SGCD: variants seen among roughly 807,000 people sequenced by gnomAD.
The protein encoded by SGCD is delta-sarcoglycan.
A neutral mutation model predicts 36.6 loss-of-function variants in SGCD; 18 were observed. That is an observed-to-expected ratio of 0.49 (90% CI 0.34 to 0.73). SGCD has a LOEUF of 0.73. Ranked by LOEUF, SGCD falls within the 30% of genes least tolerant of loss-of-function variation. The pLI is 0.01. For synonymous variants in SGCD, 133 were observed against 130.6 expected (o/e 1.02, Z -0.12); for missense variants, 387 against 346.7 (o/e 1.12, Z -0.92).
chr5:155,960,013 T>C (rs1000868422), intron 1 of SGCD, among the ~76,000 whole-genome samples: 2 of 152,116 alleles, frequency 1.3e-5, no homozygotes, highest in Non-Finnish European at 2.9e-5. Context: ...TGTTTTTTAG[T>C]AGGACACAGA....
chr5:156,726,894 C>A (rs535809297), intron 7 of SGCD, among the ~76,000 whole-genome samples: 2 of 152,320 alleles, frequency 1.3e-5, no homozygotes, highest in African/African-American at 2.4e-5. Flanking sequence ...AGTTACTTAA[C>A]CTCTCTGTGC....
At chr5:156,423,545 C>G (rs4521456) in intron 3 of SGCD, among the ~76,000 whole-genome samples, 7,130 of 147,350 alleles carry the variant, frequency 0.048, 366 homozygotes, top group African/African-American at 0.12. Context: ...TGAAGGTTCA[C>G]TTAATATCTA....
At chr5:156,594,825 G>A in intron 5 of SGCD, 107 bp from the exon 6 acceptor site, 2 of 712,026 alleles carry the variant, frequency 2.8e-6, no homozygotes, top group Non-Finnish European at 4.8e-6. Flanking sequence ...TTAGATATGT[G>A]TGTTCTATGA....
At chr5:156,573,108 A>C (rs901153454) in intron 4 of SGCD, among the ~76,000 whole-genome samples, 49 of 152,168 alleles carry the variant, frequency 3.2e-4, no homozygotes, top group African/African-American at 8.9e-4. Flanking sequence ...TTTATTCATG[A>C]CTTTTTATGA....
chr5:155,901,430 G>A (rs1413431472), intron 1 of SGCD, among the ~76,000 whole-genome samples: 2 of 152,120 alleles, frequency 1.3e-5, no homozygotes, highest in African/African-American at 2.4e-5. Context: ...TGATGAATCA[G>A]GAACTCTGAG....
chr5:156,121,718 C>T (rs1762045741), intron 2 of SGCD, among the ~76,000 whole-genome samples: 1 of 152,184 alleles, frequency 6.6e-6, no homozygotes, highest in African/African-American at 2.4e-5. Flanking sequence ...CCTTTGATGA[C>T]TGCCCAATAC....
intron 3 of SGCD, among the ~76,000 whole-genome samples, chr5:156,153,936 T>G (rs1305857195): frequency 6.6e-6 from 1 of 151,674 alleles, no homozygotes; most frequent in African/African-American, 2.4e-5. Flanking sequence ...AAACAATTGG[T>G]AAGCATTGGA....
chr5:156,271,458 G>A (rs2127669906), intron 3 of SGCD, among the ~76,000 whole-genome samples: 1 of 152,254 alleles, frequency 6.6e-6, no homozygotes, highest in East Asian at 1.9e-4. Context: ...CCAGGGCAGG[G>A]GAGGGAAACC....
At chr5:156,373,463 C>T (rs916612723) in intron 3 of SGCD, among the ~76,000 whole-genome samples, 2 of 152,118 alleles carry the variant, frequency 1.3e-5, no homozygotes, top group African/African-American at 4.8e-5. Context: ...TTGGAAAAAT[C>T]GCTACATTTA....
At chr5:155,803,016 A>G in the SGCD span, among the ~76,000 whole-genome samples, 1 of 152,218 alleles carries the variant, frequency 6.6e-6, no homozygotes, top group Non-Finnish European at 1.5e-5. Flanking sequence ...ATGACAAAAT[A>G]TATGTTTTCT....
intron 3 of SGCD, among the ~76,000 whole-genome samples, chr5:156,284,437 A>G (rs966499331): frequency 6.6e-6 from 1 of 152,214 alleles, no homozygotes; most frequent in Non-Finnish European, 1.5e-5. Flanking sequence ...AATACTGGCA[A>G]ACCGAATCCA....
intron 3 of SGCD, among the ~76,000 whole-genome samples, chr5:156,284,176 A>C (rs1358676760): frequency 6.6e-6 from 1 of 152,176 alleles, no homozygotes; most frequent in Admixed American, 6.5e-5. Context: ...TTGAGGCAAT[A>C]ATTAATAGCT....
chr5:156,189,714 A>C (rs905723600), intron 3 of SGCD, among the ~76,000 whole-genome samples: 1 of 152,026 alleles, frequency 6.6e-6, no homozygotes, highest in Non-Finnish European at 1.5e-5. Flanking sequence ...TAAAGCATTG[A>C]ACTTTCAAAG....
At chr5:155,925,062 T>C (rs1756969388) in intron 1 of SGCD, among the ~76,000 whole-genome samples, 1 of 150,316 alleles carries the variant, frequency 6.7e-6, no homozygotes, top group African/African-American at 2.5e-5. Flanking sequence ...GAAACCTAAA[T>C]GTGTTAATAT....
the SGCD span, among the ~76,000 whole-genome samples, chr5:155,766,050 G>C: frequency 6.6e-6 from 1 of 152,118 alleles, no homozygotes; most frequent in African/African-American, 2.4e-5. Flanking sequence ...AGGGGACTTG[G>C]ACTGGAAGAG....
chr5:156,402,363 C>T (rs1222160684), intron 3 of SGCD, among the ~76,000 whole-genome samples: 4 of 152,160 alleles, frequency 2.6e-5, no homozygotes, highest in Non-Finnish European at 5.9e-5. Flanking sequence ...AGACACACAG[C>T]AAAGGACATA....
chr5:156,638,390 G>T (rs536601933), intron 6 of SGCD, among the ~76,000 whole-genome samples: 8 of 152,276 alleles, frequency 5.3e-5, no homozygotes, highest in African/African-American at 1.9e-4. Flanking sequence ...GAGGTCTGGA[G>T]GGGAGATATG....
At chr5:156,570,774 T>C (rs1335244202) in intron 4 of SGCD, among the ~76,000 whole-genome samples, 3 of 152,186 alleles carry the variant, frequency 2.0e-5, no homozygotes, top group African/African-American at 7.2e-5. Context: ...CCATGAGTTA[T>C]CTTTCCTGAT....
rs75736584 is a variant in SGCD, at chr5:155,870,797, C to T, written c.-282+373C>T. 0.011 allele frequency among the ~76,000 whole-genome samples: 1,634 copies of T among 152,214 alleles called. 132 individuals carry two copies. The East Asian group carries it at 0.21, about 20-fold the overall frequency. ...TGTGAAAACATCCTACTGAAATGCT[C>T]TCAGGTTAACGTCTTTTTGCAGGTG... On this transcript the variant is annotated intron_variant, in intron 1 of 9. Transcript: ENST00000517913.
Sources: gnomAD v4.1 joint callset for allele counts (sites outside exome capture counted in the v4.1 genomes callset) on GRCh38, gnomAD v4.1.1 for gene constraint, MANE v1.5 for transcripts, NCBI Gene and HGNC (gene_info 2026-07-23, HGNC 2026-07-21) for gene names.